DIP2C: variants seen among roughly 807,000 people sequenced by gnomAD.
DIP2C encodes disco-interacting protein 2 homolog C.
In DIP2C, 33 loss-of-function variants were observed where a neutral mutation model predicts 192.4. The ratio of observed to expected loss-of-function variants is 0.17; its 90% CI spans 0.13 to 0.23. The LOEUF (loss-of-function observed/expected upper bound fraction) is 0.23, where lower values mean the gene tolerates loss of function less well. Among genes scored for constraint, DIP2C ranks in the 10% least tolerant of loss-of-function variants. The pLI is 1.00. For missense variants in DIP2C, 1,537 were observed against 2,110.1 expected (o/e 0.73, Z 5.32); for synonymous variants, 979 against 864.1 (o/e 1.13, Z -2.33).
chr10:670,730 T>G (rs1377183114), intron 1 of DIP2C, among the ~76,000 whole-genome samples: 1 of 152,206 alleles, frequency 6.6e-6, no homozygotes, highest in Non-Finnish European at 1.5e-5. Context: ...AAATATAAGA[T>G]AACAAAAGAA....
intron 1 of DIP2C, among the ~76,000 whole-genome samples, chr10:590,666 CTA>C (rs1227654027): frequency 1.3e-5 from 2 of 152,320 alleles, no homozygotes; most frequent in East Asian, 3.9e-4. Context: ...CTACACAACA[CTA>C]TATCTCTACA....
At chr10:509,562 A>G (rs1217605132) in intron 1 of DIP2C, among the ~76,000 whole-genome samples, 1 of 152,216 alleles carries the variant, frequency 6.6e-6, no homozygotes, top group African/African-American at 2.4e-5. Context: ...CGAATATCTC[A>G]GGGACTCTGT....
intron 1 of DIP2C, among the ~76,000 whole-genome samples, chr10:584,117 C>T (rs1850832480): frequency 1.3e-5 from 2 of 152,192 alleles, no homozygotes; most frequent in Admixed American, 1.3e-4. Flanking sequence ...CTCCCCAGGG[C>T]TGAGACTACT....
intron 1 of DIP2C, among the ~76,000 whole-genome samples, chr10:557,524 T>TCA (rs1210504469): frequency 6.6e-6 from 1 of 150,918 alleles, no homozygotes; most frequent in African/African-American, 2.4e-5. Flanking sequence ...TCCCACGACA[T>TCA]CACGTTTCTC....
intron 28 of DIP2C, among the ~76,000 whole-genome samples, chr10:342,240 A>G (rs536549545): frequency 9.5e-4 from 144 of 151,622 alleles, no homozygotes; most frequent in African/African-American, 3.3e-3. Flanking sequence ...CTCACTGCAA[A>G]CTCCGCCTCC....
intron 1 of DIP2C, among the ~76,000 whole-genome samples, chr10:659,653 T>G (rs1314299850): frequency 2.0e-5 from 3 of 152,248 alleles, no homozygotes; most frequent in Non-Finnish European, 4.4e-5. Flanking sequence ...CTGCTAATTA[T>G]AGTCAGAGTC....
chr10:553,308 A>G (rs1588447916), intron 1 of DIP2C, among the ~76,000 whole-genome samples: 1 of 152,230 alleles, frequency 6.6e-6, no homozygotes, highest in Non-Finnish European at 1.5e-5. Flanking sequence ...TCAGCTGGGA[A>G]GCAGGGCTGC....
intron 32 of DIP2C, among the ~76,000 whole-genome samples, chr10:297,241 TACACACACACACACAC>T (rs140637166): frequency 4.9e-4 from 57 of 115,624 alleles, no homozygotes; most frequent in African/African-American, 1.4e-3. Flanking sequence ...CCCCACCACA[TACACACACACACACAC>T]ACACACACAC....
intron 31 of DIP2C, among the ~76,000 whole-genome samples, chr10:326,382 T>C (rs556163241): frequency 6.6e-6 from 1 of 151,576 alleles, no homozygotes; most frequent in Non-Finnish European, 1.5e-5. Context: ...GGATCACAAG[T>C]AGGATAGGGG....
intron 1 of DIP2C, among the ~76,000 whole-genome samples, chr10:583,485 GTTCAGAT>G (rs1850792668): frequency 6.6e-6 from 1 of 152,226 alleles, no homozygotes; most frequent in Non-Finnish European, 1.5e-5. Flanking sequence ...AACTTTCAAT[GTTCAGAT>G]TTCAGTATCG....
At position 415,884 on chromosome 10, in the gene DIP2C, T is replaced by C. The variant is rs1432148208; in HGVS notation, c.744A>G (p.Val248=). Residue 248 remains valine (V), a synonymous_variant, in exon 7 of 37, where the codon GTA becomes GTG. Transcript: ENST00000280886. ...NAELMETGDG[V]PVSSRVSAKI... is the part of the protein sequence containing the mutation. The stretch of plus-strand genomic sequence containing the variant: ...TTGCTGACACCCGGCTACTTACTGG[T>C]ACTCCTGAAAAACAGGAATCAGCGG... 1.9e-6 allele frequency: 3 copies of C among 1,613,582 alleles called. No individual in the cohort carries two copies. The highest frequency in any genetic ancestry group is 1.3e-5 in the African/African-American group (1 of 74,760).
At chr10:288,551 G>A in intron 32 of DIP2C, 130 bp from the exon 33 acceptor site, 1 of 946,314 alleles carries the variant, frequency 1.1e-6, no homozygotes, top group South Asian at 1.6e-5. Context: ...CAACAGCAAG[G>A]ACGAAGCTGC....
At chr10:362,213 G>C (rs905982141) in intron 22 of DIP2C, among the ~76,000 whole-genome samples, 2 of 152,230 alleles carry the variant, frequency 1.3e-5, no homozygotes, top group Non-Finnish European at 2.9e-5. Context: ...TCCTTCAGGA[G>C]AATGAGCTTT....
At chr10:390,160 G>C (rs886383964) in intron 12 of DIP2C, 67 bp from the exon 13 acceptor site, 1 of 1,580,044 alleles carries the variant, frequency 6.3e-7, no homozygotes, top group African/African-American at 1.3e-5. Flanking sequence ...GGTTACTTGA[G>C]GTTCTCCAAG....
At chr10:469,450 G>A (rs896187575) in intron 3 of DIP2C, among the ~76,000 whole-genome samples, 1 of 151,874 alleles carries the variant, frequency 6.6e-6, no homozygotes, top group African/African-American at 2.4e-5. Context: ...TGGAATAGCT[G>A]GGATTACAGG....
intron 31 of DIP2C, among the ~76,000 whole-genome samples, chr10:314,266 G>A (rs1215670150): frequency 6.6e-6 from 1 of 152,158 alleles, no homozygotes; most frequent in African/African-American, 2.4e-5. Context: ...AAATATGACA[G>A]GTCCCTGCCT....
chr10:675,040 G>A (rs1830825791), intron 1 of DIP2C, among the ~76,000 whole-genome samples: 1 of 151,856 alleles, frequency 6.6e-6, no homozygotes, highest in Non-Finnish European at 1.5e-5. Context: ...CACATGCTAG[G>A]CTACAAAATA....
intron 1 of DIP2C, among the ~76,000 whole-genome samples, chr10:615,003 C>T (rs1011632721): frequency 1.2e-4 from 19 of 152,260 alleles, no homozygotes; most frequent in African/African-American, 4.3e-4. Context: ...TGTGATGACA[C>T]AGCCGAAGCG....
chr10:465,237 T>G (rs1402363292), intron 3 of DIP2C, among the ~76,000 whole-genome samples: 11 of 145,730 alleles, frequency 7.5e-5, no homozygotes, highest in South Asian at 2.4e-4. Flanking sequence ...TTCAATATAC[T>G]CAAATCAATA....
Sources: allele counts gnomAD v4.1 joint callset (sites outside exome capture counted in the v4.1 genomes callset), GRCh38; gene constraint gnomAD v4.1.1; transcripts MANE v1.5; gene names NCBI Gene and HGNC (gene_info 2026-07-23, HGNC 2026-07-21).